PGAP4: variants seen among roughly 807,000 people sequenced by gnomAD.
PGAP4 encodes the protein post-GPI attachment to proteins GalNAc transferase 4, also known as GPI-N-acetylgalactosamine transferase PGAP4.
In PGAP4, 12 loss-of-function variants were observed where a neutral mutation model predicts 28.2. The observed-to-expected ratio is 0.42, with a 90% CI of 0.27 to 0.69. The LOEUF (loss-of-function observed/expected upper bound fraction) is 0.69, where lower values mean the gene tolerates loss of function less well. Among genes scored for constraint, PGAP4 ranks in the 30% least tolerant of loss-of-function variants. The probability of loss-of-function intolerance (pLI) is 0.22; values close to 1 mark genes in which losing one functional copy is unlikely to be tolerated. For missense variants in PGAP4, 425 were observed against 513.5 expected, an observed-to-expected ratio of 0.83 and a Z score of 1.67; for synonymous variants, 205 against 211.8, an observed-to-expected ratio of 0.97 and a Z score of 0.28.
chr9:101,490,150 T>C (rs1018213148), upstream of PGAP4, among the ~76,000 whole-genome samples: 3 of 152,180 alleles, frequency 2.0e-5, no homozygotes, highest in African/African-American at 7.2e-5. Context: ...TACAAGGCTC[T>C]TTGTAAAGGC....
rs1826607161 is a variant in PGAP4 at position 101,486,043 on chromosome 9, A to G, written c.-78+906T>C. 6.6e-6 allele frequency among the ~76,000 whole-genome samples: 1 copy of G among 152,124 alleles called. No homozygotes were observed. The highest frequency in any genetic ancestry group is 6.6e-5 in the Admixed American group (1 of 15,266). ...TTGGAGCCGCCCTGCGGTCCCCCGG[A>G]GAGAGCCTGGGCCGAGCAGAGGATG... On this transcript the variant is annotated intron_variant, in intron 1 of 1. Coordinates refer to ENST00000374848, the MANE Select transcript of PGAP4 (RefSeq NM_032342.3). The surrounding 1 kb of genome is among the most constrained non-coding windows in gnomAD (Gnocchi z 4.7).
chr9:101,529,270 C>G (rs1406777115), intron 2 of PGAP4, among the ~76,000 whole-genome samples: 2 of 151,694 alleles, frequency 1.3e-5, no homozygotes, highest in Non-Finnish European at 2.9e-5. Flanking sequence ...ATTCTCCTGC[C>G]TCAGCCTCCC....
chr9:101,520,063 C>T (rs1826976342), intron 2 of PGAP4, among the ~76,000 whole-genome samples: 1 of 152,108 alleles, frequency 6.6e-6, no homozygotes. Flanking sequence ...TTATTCTGTT[C>T]CACTGGTCTA....
At chr9:101,528,785 C>T (rs1564103470) in intron 2 of PGAP4, among the ~76,000 whole-genome samples, 1 of 150,964 alleles carries the variant, frequency 6.6e-6, no homozygotes, top group Non-Finnish European at 1.5e-5. Context: ...GTAACATAGA[C>T]ACTTCTTAGT....
chr9:101,531,830 A>C (rs12686025), intron 1 of PGAP4, among the ~76,000 whole-genome samples: 22,911 of 152,292 alleles, frequency 0.15, 2,299 homozygotes, highest in East Asian at 0.36. Context: ...CTTACGTAGT[A>C]CCAGCAATTG....
intron 2 of PGAP4, among the ~76,000 whole-genome samples, chr9:101,493,330 A>T (rs1037832137): frequency 6.6e-6 from 1 of 151,022 alleles, no homozygotes; most frequent in South Asian, 2.1e-4. Flanking sequence ...CTCTCTTCTG[A>T]TTTTTCTCTG....
intron 2 of PGAP4, among the ~76,000 whole-genome samples, chr9:101,495,389 G>A (rs10989538): frequency 0.49 from 8,036 of 16,342 alleles, 2,221 homozygotes; most frequent in East Asian, 0.67. Context: ...TATATTATAT[G>A]TGCTTATATT....
chr9:101,501,258 C>G (rs1826795591), intron 2 of PGAP4, among the ~76,000 whole-genome samples: 1 of 152,070 alleles, frequency 6.6e-6, no homozygotes, highest in African/African-American at 2.4e-5. Flanking sequence ...CTGTGCTGTA[C>G]TGCTACAATA....
intron 2 of PGAP4, among the ~76,000 whole-genome samples, chr9:101,510,383 GT>G (rs950348500): frequency 1.9e-4 from 21 of 112,040 alleles, no homozygotes; most frequent in South Asian, 1.8e-3. Flanking sequence ...TTATGTTCAT[GT>G]TTTTTTTTTC....
intron 1 of PGAP4, among the ~76,000 whole-genome samples, chr9:101,483,509 C>T (rs1317712631): frequency 2.6e-5 from 4 of 152,176 alleles, no homozygotes; most frequent in East Asian, 3.9e-4. Flanking sequence ...ATATGCACTA[C>T]TGCCTACATA....
intron 2 of PGAP4, among the ~76,000 whole-genome samples, chr9:101,494,370 G>A (rs1311298487): frequency 6.6e-6 from 1 of 151,694 alleles, no homozygotes; most frequent in Admixed American, 6.6e-5. Context: ...TTTCATCTTT[G>A]TTTACAAAAG....
At chr9:101,523,619 CTTTTTTTTTTTTTTTTTTTTTT>C (rs71356369) in intron 2 of PGAP4, among the ~76,000 whole-genome samples, 1 of 59,344 alleles carries the variant, frequency 1.7e-5, no homozygotes, top group Admixed American at 2.3e-4. Flanking sequence ...CTTCTTGTAT[CTTTTTTTTTTTTTTTTTTTTTT>C]TTTTTTTTTT....
intron 2 of PGAP4, among the ~76,000 whole-genome samples, chr9:101,512,906 A>G (rs1313495458): frequency 6.6e-6 from 1 of 152,110 alleles, no homozygotes; most frequent in African/African-American, 2.4e-5. Flanking sequence ...GCTATTCTCT[A>G]AGGTTTCACA....
chr9:101,494,717 T>G (rs1826722201), intron 2 of PGAP4, among the ~76,000 whole-genome samples: 1 of 151,668 alleles, frequency 6.6e-6, no homozygotes, highest in South Asian at 2.1e-4. Flanking sequence ...TGCAAAAACT[T>G]TTAAAGGACT....
chr9:101,528,991 T>C (rs1436454450), intron 2 of PGAP4, among the ~76,000 whole-genome samples: 1 of 152,026 alleles, frequency 6.6e-6, no homozygotes, highest in African/African-American at 2.4e-5. Context: ...TCTCTCTCTC[T>C]GTGTCCATGT....
At chr9:101,530,008 T>C (rs1226214529) in intron 2 of PGAP4, among the ~76,000 whole-genome samples, 1 of 152,030 alleles carries the variant, frequency 6.6e-6, no homozygotes, top group African/African-American at 2.4e-5. Context: ...AATAAGGGAG[T>C]TCCTGAATTA....
intron 2 of PGAP4, among the ~76,000 whole-genome samples, chr9:101,510,053 TG>T (rs1474236583): frequency 3.3e-5 from 5 of 152,208 alleles, no homozygotes; most frequent in African/African-American, 9.6e-5. Flanking sequence ...GTTGCCTTGT[TG>T]TCAACATCAG....
chr9:101,488,375 G>A (rs941245369), upstream of PGAP4, among the ~76,000 whole-genome samples: 3 of 152,186 alleles, frequency 2.0e-5, no homozygotes, highest in Admixed American at 6.5e-5. Flanking sequence ...TTGGAGGATT[G>A]TAACCAACAC....
chr9:101,488,543 T>A (rs556517576), upstream of PGAP4, among the ~76,000 whole-genome samples: 18 of 152,180 alleles, frequency 1.2e-4, no homozygotes, highest in Admixed American at 2.6e-4. Context: ...CATGAGATAA[T>A]GTATATAAAG....
Sources: allele counts gnomAD v4.1 joint callset (sites outside exome capture counted in the v4.1 genomes callset), GRCh38; gene constraint gnomAD v4.1.1; non-coding constraint Gnocchi (gnomAD v3.1); transcripts MANE v1.5; gene names NCBI Gene and HGNC (gene_info 2026-07-23, HGNC 2026-07-21).